The following PAPPA2 variants were observed in gnomAD, a reference collection of about 807,000 sequenced individuals.
The protein encoded by PAPPA2 is pappalysin-2.
Under a neutral mutation model 176.4 loss-of-function variants are expected in PAPPA2, and 86 were observed. The observed-to-expected ratio is 0.49, with a 90% confidence interval of 0.41 to 0.58. The LOEUF is 0.58. Among genes scored for constraint, PAPPA2 ranks in the 20% least tolerant of loss-of-function variants. The pLI is 0.00. For missense variants in PAPPA2, 2,073 were observed against 2,256.9 expected (o/e 0.92, Z 1.65); for synonymous variants, 809 against 852.2 (o/e 0.95, Z 0.88).
At position 176,762,037 on chromosome 1, in the gene PAPPA2, A is replaced by G. The variant is rs559137887; in HGVS notation, c.4152-3629A>G. ...TCAGAGAAGCAGTGTTTGTAGTGGA[A>G]GAGAAACACAAAAGGGGTTTTGGGG... On this transcript the variant is annotated intron_variant, in intron 14 of 22. Coordinates refer to ENST00000367662, the MANE Select transcript of PAPPA2 (RefSeq NM_020318.3). Among the ~76,000 whole-genome samples, 3 of 152,194 alleles carry G rather than the reference A, an allele frequency of 2.0e-5. No individual in the cohort carries two copies. The East Asian group carries it at 5.8e-4, about 29-fold the overall frequency.
At chr1:176,504,457 T>C (rs1648136296) in intron 1 of PAPPA2, among the ~76,000 whole-genome samples, 1 of 152,128 alleles carries the variant, frequency 6.6e-6, no homozygotes, top group South Asian at 2.1e-4. Context: ...TTTGTTCACT[T>C]AACTATATTT....
At chr1:176,762,893 T>G (rs150424203) in intron 14 of PAPPA2, among the ~76,000 whole-genome samples, 1 of 152,286 alleles carries the variant, frequency 6.6e-6, no homozygotes, top group East Asian at 1.9e-4. Context: ...GGGCTTAAAC[T>G]TGTGAAAACA....
chr1:176,758,987 A>G (rs1663567405), intron 14 of PAPPA2, among the ~76,000 whole-genome samples: 2 of 152,236 alleles, frequency 1.3e-5, no homozygotes, highest in Admixed American at 1.3e-4. Context: ...GACTTGCCCA[A>G]GGTCCTAGAG....
intron 12 of PAPPA2, among the ~76,000 whole-genome samples, chr1:176,733,936 C>A (rs1447889993): frequency 1.3e-5 from 2 of 151,976 alleles, no homozygotes; most frequent in African/African-American, 4.8e-5. Flanking sequence ...GTATACCACT[C>A]ACCCCAACCA....
At chr1:176,552,506 CCTTTCCCTCT>C (rs1651025084) in intron 1 of PAPPA2, among the ~76,000 whole-genome samples, 2 of 151,876 alleles carry the variant, frequency 1.3e-5, no homozygotes, top group African/African-American at 4.8e-5. Context: ...CCTTTCCCTC[CCTTTCCCTCT>C]CCGTCCTGGT....
intron 1 of PAPPA2, among the ~76,000 whole-genome samples, chr1:176,527,974 A>G (rs574500683): frequency 6.6e-6 from 1 of 152,310 alleles, no homozygotes; most frequent in Admixed American, 6.5e-5. Flanking sequence ...CTTGTCCTGG[A>G]CTTTTCTGGT....
At chr1:176,670,255 TAG>T (rs1352472339) in intron 3 of PAPPA2, among the ~76,000 whole-genome samples, 1 of 152,228 alleles carries the variant, frequency 6.6e-6, no homozygotes, top group Non-Finnish European at 1.5e-5. Context: ...GTGTTTTTAA[TAG>T]ACCTTTAATT....
At chr1:176,511,583 T>G (rs1456889582) in intron 1 of PAPPA2, among the ~76,000 whole-genome samples, 1 of 152,200 alleles carries the variant, frequency 6.6e-6, no homozygotes, top group Non-Finnish European at 1.5e-5. Flanking sequence ...GAAACAAAAT[T>G]TCTGTGAAAC....
At chr1:176,791,321 T>G in intron 18 of PAPPA2, 26 bp from the exon 19 acceptor site, 1 of 1,596,494 alleles carries the variant, frequency 6.3e-7, no homozygotes, top group Admixed American at 1.7e-5. Flanking sequence ...AAACAATAAT[T>G]AAGATGTTTA....
intron 21 of PAPPA2, among the ~76,000 whole-genome samples, chr1:176,805,208 T>G (rs1665851380): frequency 6.6e-6 from 1 of 152,198 alleles, no homozygotes; most frequent in African/African-American, 2.4e-5. Context: ...CTAGGGAATG[T>G]ACCTAGGGAT....
At chr1:176,626,052 T>G (rs895073625) in intron 3 of PAPPA2, among the ~76,000 whole-genome samples, 5 of 151,944 alleles carry the variant, frequency 3.3e-5, no homozygotes, top group South Asian at 2.1e-4. Flanking sequence ...TAAAAAAAAA[T>G]TACAAAATAC....
chr1:176,496,296 T>G (rs1647617226), intron 1 of PAPPA2, among the ~76,000 whole-genome samples: 1 of 152,168 alleles, frequency 6.6e-6, no homozygotes, highest in African/African-American at 2.4e-5. Context: ...GAAGCTATAG[T>G]TGAGTTTAAT....
At chr1:176,528,800 C>T (rs537496207) in intron 1 of PAPPA2, among the ~76,000 whole-genome samples, 1 of 152,328 alleles carries the variant, frequency 6.6e-6, no homozygotes, top group Admixed American at 6.5e-5. Flanking sequence ...AGCAAGGCTA[C>T]TTCATGCTTC....
intron 11 of PAPPA2, among the ~76,000 whole-genome samples, chr1:176,711,080 C>A (rs772290123): frequency 5.9e-5 from 9 of 152,142 alleles, no homozygotes; most frequent in Non-Finnish European, 7.4e-5. Context: ...TTCCACCCGC[C>A]TCTTACTGGT....
At chr1:176,770,249 C>T (rs747435991) in intron 16 of PAPPA2, among the ~76,000 whole-genome samples, 57 of 152,200 alleles carry the variant, frequency 3.7e-4, no homozygotes, top group Non-Finnish European at 6.9e-4. Flanking sequence ...CTAACAATGA[C>T]TCAGGAGGCT....
intron 2 of PAPPA2, among the ~76,000 whole-genome samples, chr1:176,592,821 C>T (rs11578503): frequency 0.16 from 24,838 of 152,180 alleles, 2,155 homozygotes; most frequent in Middle Eastern, 0.23. Flanking sequence ...ATAGGTCAGA[C>T]AGATAATTAA....
At chr1:176,685,593 T>C (rs1659800646) in intron 4 of PAPPA2, among the ~76,000 whole-genome samples, 1 of 152,226 alleles carries the variant, frequency 6.6e-6, no homozygotes, top group South Asian at 2.1e-4. Flanking sequence ...TTCTTATTAT[T>C]GTTTCATTAT....
intron 3 of PAPPA2, among the ~76,000 whole-genome samples, chr1:176,652,421 CT>C (rs1468995286): frequency 6.6e-6 from 1 of 151,576 alleles, no homozygotes; most frequent in African/African-American, 2.4e-5. Flanking sequence ...CCAGATTTAC[CT>C]TGGTTCTAGT....
rs1661160542 is a variant in PAPPA2 at position 176,711,854 on chromosome 1, C to T, written c.3671C>T (p.Pro1224Leu). The change falls in exon 12 of 23, where the codon CCA (proline) becomes CTA (leucine). Residue 1224 changes from proline to leucine, a missense_variant. Coordinates refer to ENST00000367662, the MANE Select transcript of PAPPA2 (RefSeq NM_020318.3). ...PHSLICTSYH[P>L]DLPNHRPLTG... ...TTTCAGATTTGCACATCATACCATC[C>T]AGATTTACCCAACCACCGTCCCCTA... 6.2e-7 allele frequency: 1 copy of T among 1,610,572 alleles called. No individual in the cohort carries two copies. The highest frequency in any genetic ancestry group is 8.5e-7 in the Non-Finnish European group (1 of 1,177,036).
Sources: allele counts gnomAD v4.1 joint callset (sites outside exome capture counted in the v4.1 genomes callset), GRCh38; gene constraint gnomAD v4.1.1; transcripts MANE v1.5; gene names NCBI Gene and HGNC (gene_info 2026-07-23, HGNC 2026-07-21).